Variants in PPP3CA observed in about 807,000 individuals in gnomAD.
PPP3CA encodes the protein protein phosphatase 3 catalytic subunit alpha, also known as CAM-PRP catalytic subunit.
A neutral mutation model predicts 66.5 loss-of-function variants in PPP3CA; 14 were observed. That is an observed-to-expected ratio of 0.21 (90% CI 0.14 to 0.33). PPP3CA has a LOEUF of 0.33. Ranked by LOEUF, PPP3CA falls within the 10% of genes least tolerant of loss-of-function variation. The pLI is 1.00. For synonymous variants in PPP3CA, 232 were observed against 226.2 expected (o/e 1.03, Z -0.23); for missense variants, 317 against 639.5 (o/e 0.50, Z 5.44).
At chr4:101,034,250 C>T (rs867097500) in intron 11 of PPP3CA, among the ~76,000 whole-genome samples, 2 of 152,168 alleles carry the variant, frequency 1.3e-5, no homozygotes, top group Non-Finnish European at 2.9e-5. Context: ...TCTTTGTCAT[C>T]CTCCTGCCCT....
chr4:101,124,796 A>T (rs1332237129), intron 2 of PPP3CA, among the ~76,000 whole-genome samples: 1 of 119,344 alleles, frequency 8.4e-6, no homozygotes, highest in Non-Finnish European at 1.7e-5. Flanking sequence ...AGAAAGAAAG[A>T]AAGAGAAAAC....
At chr4:101,146,613 T>G (rs937441302) in intron 2 of PPP3CA, among the ~76,000 whole-genome samples, 5 of 151,998 alleles carry the variant, frequency 3.3e-5, no homozygotes, top group African/African-American at 1.2e-4. Flanking sequence ...AGGCTAATTT[T>G]TGTACTTTTA....
intron 2 of PPP3CA, among the ~76,000 whole-genome samples, chr4:101,135,743 C>T (rs1722601131): frequency 6.6e-6 from 1 of 152,218 alleles, no homozygotes; most frequent in South Asian, 2.1e-4. Context: ...ATGTAATGAG[C>T]TCACCCACAC....
chr4:101,189,946 CAGAA>C (rs2089529916), intron 2 of PPP3CA, among the ~76,000 whole-genome samples: 1 of 151,924 alleles, frequency 6.6e-6, no homozygotes, highest in African/African-American at 2.4e-5. Context: ...GTTACTGACT[CAGAA>C]AGAGAATAAA....
At chr4:101,317,243 C>T (rs113767327) in intron 1 of PPP3CA, among the ~76,000 whole-genome samples, 2,523 of 140,588 alleles carry the variant, frequency 0.018, 58 homozygotes, top group African/African-American at 0.058. Flanking sequence ...CCCCTTAACT[C>T]GGTACTCCCA....
intron 2 of PPP3CA, among the ~76,000 whole-genome samples, chr4:101,109,506 A>G (rs1239834611): frequency 6.6e-6 from 1 of 151,946 alleles, no homozygotes; most frequent in Non-Finnish European, 1.5e-5. Flanking sequence ...GGCATAATCT[A>G]TGTACAACTG....
chr4:101,286,007 C>T (rs1727836091), intron 1 of PPP3CA, among the ~76,000 whole-genome samples: 1 of 152,162 alleles, frequency 6.6e-6, no homozygotes, highest in Admixed American at 6.5e-5. Flanking sequence ...TCGTGTAAGA[C>T]AATTTTTTCA....
At chr4:101,191,643 G>A (rs1247622051) in intron 2 of PPP3CA, among the ~76,000 whole-genome samples, 2 of 152,168 alleles carry the variant, frequency 1.3e-5, no homozygotes, top group Non-Finnish European at 2.9e-5. Flanking sequence ...ATGACACTAT[G>A]AGGAGAATAA....
chr4:101,222,420 T>C (rs1725655536), intron 1 of PPP3CA, among the ~76,000 whole-genome samples: 1 of 151,684 alleles, frequency 6.6e-6, no homozygotes, highest in Non-Finnish European at 1.5e-5. Flanking sequence ...TGGTATGCCA[T>C]AATTGTTCTT....
intron 7 of PPP3CA, among the ~76,000 whole-genome samples, chr4:101,081,076 C>G (rs766272959): frequency 6.6e-5 from 10 of 151,988 alleles, no homozygotes; most frequent in Non-Finnish European, 1.3e-4. Context: ...TCTGATAAAT[C>G]CACAATATTC....
At chr4:101,324,150 G>GAAGGAAGGGAGGA (rs1305406744) in intron 1 of PPP3CA, among the ~76,000 whole-genome samples, 4 of 97,484 alleles carry the variant, frequency 4.1e-5, no homozygotes, top group Admixed American at 2.2e-4. Context: ...GGAAGGAAGG[G>GAAGGAAGGGAGGA]AGGGAGGAAG....
chr4:101,232,950 C>A (rs1320535140), intron 1 of PPP3CA, among the ~76,000 whole-genome samples: 2 of 151,624 alleles, frequency 1.3e-5, no homozygotes, highest in Admixed American at 1.3e-4. Context: ...ATTAAAATAA[C>A]TTCTTCATTT....
chr4:101,124,725 GAGAA>G (rs756619477), intron 2 of PPP3CA, among the ~76,000 whole-genome samples: 782 of 58,558 alleles, frequency 0.013, 27 homozygotes, highest in Middle Eastern at 0.032. Context: ...AAGAAAGAAA[GAGAA>G]AGAAAGAAAG....
chr4:101,343,550 T>G (rs1729884694), intron 1 of PPP3CA, among the ~76,000 whole-genome samples: 1 of 151,642 alleles, frequency 6.6e-6, no homozygotes, highest in African/African-American at 2.4e-5. Flanking sequence ...TATTTTGATT[T>G]CCAGCAAAGG....
chr4:101,280,647 C>T (rs1727651138), intron 1 of PPP3CA, among the ~76,000 whole-genome samples: 1 of 151,896 alleles, frequency 6.6e-6, no homozygotes, highest in African/African-American at 2.4e-5. Flanking sequence ...TAGTGAAACC[C>T]CATCTCTACT....
intron 10 of PPP3CA, among the ~76,000 whole-genome samples, chr4:101,054,587 T>A (rs748478172): frequency 2.6e-5 from 4 of 152,074 alleles, no homozygotes; most frequent in South Asian, 2.1e-4. Context: ...ACCAGTAAGA[T>A]ACAACATTAG....
intron 1 of PPP3CA, among the ~76,000 whole-genome samples, chr4:101,344,588 T>A (rs1729919551): frequency 6.6e-6 from 1 of 152,166 alleles, no homozygotes; most frequent in East Asian, 1.9e-4. Flanking sequence ...ATTTTTTAAA[T>A]TATGGGTGAG....
At chr4:101,243,471 A>C (rs1187493156) in intron 1 of PPP3CA, among the ~76,000 whole-genome samples, 1 of 152,132 alleles carries the variant, frequency 6.6e-6, no homozygotes, top group Admixed American at 6.6e-5. Context: ...CAAATTAAAT[A>C]TACATAGGGA....
chr4:101,347,021 G>A lies in PPP3CA; in HGVS notation c.-225C>T. 1.7e-6 allele frequency: 1 copy of A among 593,388 alleles called. No individual in the cohort carries two copies. Among genetic ancestry groups the A allele is most frequent in the Non-Finnish European group, 2.9e-6 (1 of 340,250 alleles). 36.8% of individuals were successfully genotyped at this position (593,388 alleles called of 1,614,324 possible). A position where few individuals can be genotyped will look rare whatever the true frequency, so the allele number is the denominator to read the frequency against. On this transcript the variant is annotated 5_prime_UTR_variant, in exon 1 of 14. Transcript: ENST00000394854. ...CACTCCTCCTCCGCCGCTGCCGCCA[G>A]CCCCGCCGACTCGCTCCGGGCTGCG...
Sources: allele counts gnomAD v4.1 joint callset (sites outside exome capture counted in the v4.1 genomes callset), GRCh38; gene constraint gnomAD v4.1.1; transcripts MANE v1.5; gene names NCBI Gene and HGNC (gene_info 2026-07-23, HGNC 2026-07-21).